BPI: variants seen among roughly 807,000 people sequenced by gnomAD.
BPI encodes bactericidal permeability-increasing protein.
A neutral mutation model predicts 57.6 loss-of-function variants in BPI; 48 were observed. The ratio of observed to expected loss-of-function variants is 0.83; its 90% CI spans 0.66 to 1.06. BPI has a LOEUF of 1.06. Ranked by LOEUF, BPI falls within the 50% of genes least tolerant of loss-of-function variation. The probability of loss-of-function intolerance (pLI) is 0.00; values close to 1 mark genes in which losing one functional copy is unlikely to be tolerated. For synonymous variants in BPI, 237 were observed against 238.2 expected (o/e 0.99, Z 0.05); for missense variants, 651 against 609.7 (o/e 1.07, Z -0.71).
intron 6 of BPI, 32 bp downstream of exon 6, chr20:38,318,508 G>C: frequency 6.2e-7 from 1 of 1,603,282 alleles, no homozygotes; most frequent in South Asian, 1.1e-5. Flanking sequence ...AGGATAGAAA[G>C]GAACAGAAAT....
chr20:38,315,367 AG>A (rs1390055612), intron 5 of BPI, among the ~76,000 whole-genome samples: 1 of 152,218 alleles, frequency 6.6e-6, no homozygotes, highest in Non-Finnish European at 1.5e-5. Flanking sequence ...GAAGTGAGCC[AG>A]GGAGTCTGCC....
At chr20:38,318,525 G>A in intron 6 of BPI, 49 bp downstream of exon 6, 6 of 1,585,480 alleles carry the variant, frequency 3.8e-6, no homozygotes, top group Non-Finnish European at 5.2e-6. Flanking sequence ...AAATGGGAGG[G>A]GGTGAGGACG....
At chr20:38,329,010 T>A (rs776894856) in intron 11 of BPI, among the ~76,000 whole-genome samples, 1 of 147,696 alleles carries the variant, frequency 6.8e-6, no homozygotes, top group Non-Finnish European at 1.5e-5. Context: ...TGTCTCTAAA[T>A]AAATAAATAA....
At chr20:38,312,865 T>C (rs2076628231) in intron 5 of BPI, among the ~76,000 whole-genome samples, 1 of 152,214 alleles carries the variant, frequency 6.6e-6, no homozygotes, top group African/African-American at 2.4e-5. Context: ...TCAAAATGCA[T>C]AACACAGTGG....
At chr20:38,309,430 T>C (rs1024644319) in intron 3 of BPI, among the ~76,000 whole-genome samples, 2 of 152,222 alleles carry the variant, frequency 1.3e-5, no homozygotes, top group African/African-American at 4.8e-5. Flanking sequence ...CGGCTGGGGC[T>C]TAGCTGATCT....
intron 5 of BPI, among the ~76,000 whole-genome samples, chr20:38,314,938 T>C (rs901571329): frequency 1.3e-5 from 2 of 151,442 alleles, no homozygotes; most frequent in African/African-American, 4.9e-5. Context: ...ACCGATTTAA[T>C]AGGCATTTTC....
At chr20:38,330,972 C>G in intron 11 of BPI, 76 bp from the exon 12 acceptor site, 92 of 1,535,776 alleles carry the variant, frequency 6.0e-5, no homozygotes, top group Non-Finnish European at 7.6e-5. Context: ...CAGAGTGGGT[C>G]TCTCCTCTCT....
At chr20:38,331,620 G>C (rs376601807) in intron 12 of BPI, among the ~76,000 whole-genome samples, 3 of 152,094 alleles carry the variant, frequency 2.0e-5, no homozygotes, top group East Asian at 1.9e-4. Flanking sequence ...GAAGCAGGAG[G>C]ACTGCTTGAG....
chr20:38,320,332 C>A, intron 7 of BPI, 58 bp downstream of exon 7: 2 of 1,488,074 alleles, frequency 1.3e-6, no homozygotes, highest in South Asian at 1.2e-5. Flanking sequence ...CACTCCAGGG[C>A]TCCCCAGTCC....
At chr20:38,331,369 A>G (rs1015386283) in intron 12 of BPI, among the ~76,000 whole-genome samples, 3 of 152,212 alleles carry the variant, frequency 2.0e-5, no homozygotes, top group African/African-American at 7.2e-5. Context: ...AATGGGATTA[A>G]ACATGCACAA....
At chr20:38,318,102 A>G in intron 5 of BPI, 1 of 944,730 alleles carries the variant, frequency 1.1e-6, no homozygotes, top group Non-Finnish European at 1.3e-6. Flanking sequence ...CAAAAGAAAA[A>G]ACAAAACAAC....
At chr20:38,317,808 T>C in intron 5 of BPI, 1 of 1,500,716 alleles carries the variant, frequency 6.7e-7, no homozygotes. Flanking sequence ...TTCCTCAGTG[T>C]CAAAGTCAGT....
rs548270462 is a variant in BPI, at chr20:38,320,064, T to A, written c.665-119T>A. The A allele has an allele frequency of 3.6e-5, 30 of 831,654 alleles. No individual in the cohort carries two copies. In the South Asian group the frequency reaches 4.4e-4, roughly 12 times the overall value. 51.5% of individuals were successfully genotyped at this position (831,654 alleles called of 1,614,324 possible). ...CTTAAGGAGAGCTCCCTGGAGAAGG[T>A]GGGAATGAAACTTGCACTGCAGCTC... On this transcript the variant is annotated intron_variant, in intron 6 of 14. Transcript: ENST00000642449.
At chr20:38,323,487 G>C (rs2076696877) in intron 7 of BPI, among the ~76,000 whole-genome samples, 1 of 152,196 alleles carries the variant, frequency 6.6e-6, no homozygotes, top group Non-Finnish European at 1.5e-5. Context: ...CTTTTCGTAG[G>C]GTTTCTGTGC....
intron 8 of BPI, among the ~76,000 whole-genome samples, chr20:38,324,359 G>A (rs909314939): frequency 1.3e-5 from 2 of 152,184 alleles, no homozygotes; most frequent in African/African-American, 2.4e-5. Context: ...TGAGAGGACC[G>A]AACACAGAGC....
intron 3 of BPI, 32 bp downstream of exon 3, chr20:38,309,090 T>G (rs2076610212): frequency 1.2e-6 from 2 of 1,613,588 alleles, no homozygotes; most frequent in Non-Finnish European, 1.7e-6. Flanking sequence ...TTGTTGGGTG[T>G]GCTCTTGGTG....
chr20:38,337,062 G>T, intron 14 of BPI, 84 bp from the exon 15 acceptor site: 1 of 1,430,486 alleles, frequency 7.0e-7, no homozygotes. Context: ...CTCCCAAAAT[G>T]TCCTTCTTAA....
At chr20:38,326,838 T>C (rs1357623977) in intron 10 of BPI, among the ~76,000 whole-genome samples, 1 of 152,260 alleles carries the variant, frequency 6.6e-6, no homozygotes, top group Non-Finnish European at 1.5e-5. Flanking sequence ...ATGTTATACA[T>C]TTTCTGATTC....
chr20:38,304,837 C>G (rs1457780650), intron 1 of BPI, among the ~76,000 whole-genome samples: 2 of 152,336 alleles, frequency 1.3e-5, no homozygotes, highest in East Asian at 3.9e-4. Context: ...AGGGTCCCCC[C>G]AGACCACTCA....
Sources: allele counts gnomAD v4.1 joint callset (sites outside exome capture counted in the v4.1 genomes callset), GRCh38; gene constraint gnomAD v4.1.1; transcripts MANE v1.5; gene names NCBI Gene and HGNC (gene_info 2026-07-23, HGNC 2026-07-21).